RNF145: variants seen among roughly 807,000 people sequenced by gnomAD.
RNF145 encodes ring finger protein 145.
Under a neutral mutation model 57.3 loss-of-function variants are expected in RNF145, and 12 were observed. The ratio of observed to expected loss-of-function variants is 0.21; its 90% CI spans 0.13 to 0.34. The LOEUF (loss-of-function observed/expected upper bound fraction) is 0.34, where lower values mean the gene tolerates loss of function less well. Among genes scored for constraint, RNF145 ranks in the 10% least tolerant of loss-of-function variants. The pLI is 1.00. For missense variants in RNF145, 429 were observed against 799.0 expected (o/e 0.54, Z 5.58); for synonymous variants, 262 against 288.3 (o/e 0.91, Z 0.92).
intron 3 of RNF145, among the ~76,000 whole-genome samples, chr5:159,186,758 T>C (rs1473053748): frequency 6.6e-6 from 1 of 152,224 alleles, no homozygotes; most frequent in African/African-American, 2.4e-5. Context: ...AGTGCCTGTA[T>C]TTGATAATGT....
Position 159,162,425 on chromosome 5 carries a change from C to CTTT in RNF145, c.1269+504_1269+506dup, listed in dbSNP as rs201178143. On this transcript the variant is annotated intron_variant, in intron 9 of 10. Coordinates refer to ENST00000424310, the MANE Select transcript of RNF145 (RefSeq NM_001199383.2). ...CATCAATAGGTTTATGTAATATTTT[C>CTTT]TTTTTTTTTTTTTTTTTTTTGAGAC... Among the ~76,000 whole-genome samples the CTTT allele has an allele frequency of 1.6e-3, 212 of 134,580 alleles. 5 individuals carry two copies. Among genetic ancestry groups the CTTT allele is most frequent in the African/African-American group, 5.5e-3 (196 of 35,470 alleles). The allele number at this position is 134,580 out of a possible 152,430, so 88.3% of individuals were successfully genotyped here.
chr5:159,206,856 T>C (rs1368392500), intron 1 of RNF145, among the ~76,000 whole-genome samples: 2 of 152,148 alleles, frequency 1.3e-5, no homozygotes, highest in African/African-American at 2.4e-5. Flanking sequence ...TCCTTGAACT[T>C]TGAAAAGAAC....
At position 159,180,142 on chromosome 5, in the gene RNF145, T is replaced by C. The variant is rs533200750; in HGVS notation, c.385+1818A>G. 2.0e-5 allele frequency among the ~76,000 whole-genome samples: 3 copies of C among 152,194 alleles called. No homozygotes were observed. The Middle Eastern group carries it at 0.01, about 518-fold the overall frequency. The stretch of plus-strand genomic sequence containing the variant: ...GGAAGTAGGCAGGTTCCTACTTAAC[T>C]GGACTCTTACAATGATGTGGTTGTT... On this transcript the variant is annotated intron_variant, in intron 4 of 10. Transcript: ENST00000424310.
chr5:159,192,150 A>G (rs2113203000), intron 3 of RNF145, among the ~76,000 whole-genome samples: 1 of 152,240 alleles, frequency 6.6e-6, no homozygotes, highest in African/African-American at 2.4e-5. Context: ...TAGCATTTGC[A>G]TTGTATTAGG....
At chr5:159,189,204 T>C (rs1052409839) in intron 3 of RNF145, among the ~76,000 whole-genome samples, 2 of 151,900 alleles carry the variant, frequency 1.3e-5, no homozygotes, top group African/African-American at 4.9e-5. Flanking sequence ...TTGCAAATCA[T>C]AGATCTGATA....
intron 8 of RNF145, among the ~76,000 whole-genome samples, chr5:159,165,317 C>T (rs893682675): frequency 4.6e-5 from 7 of 152,288 alleles, no homozygotes; most frequent in Non-Finnish European, 1.0e-4. Flanking sequence ...CCCTGCTTCC[C>T]TTTTTATAGT....
intron 7 of RNF145, 66 bp downstream of exon 7, chr5:159,169,613 C>A (rs1385072115): frequency 7.6e-7 from 1 of 1,316,960 alleles, no homozygotes. Context: ...CAAAGAAATT[C>A]ATCATTACTT....
At chr5:159,195,797 A>G (rs1253581703) in intron 2 of RNF145, among the ~76,000 whole-genome samples, 1 of 152,222 alleles carries the variant, frequency 6.6e-6, no homozygotes, top group East Asian at 1.9e-4. Context: ...AAAGTTACTG[A>G]TAACTTATTA....
intron 6 of RNF145, among the ~76,000 whole-genome samples, chr5:159,171,720 G>T (rs1784565483): frequency 6.6e-6 from 1 of 151,982 alleles, no homozygotes; most frequent in African/African-American, 2.4e-5. Flanking sequence ...GGGTATTCTG[G>T]TAAGCTCCCA....
At chr5:159,209,080 G>C (rs1295453572) in intron 1 of RNF145, among the ~76,000 whole-genome samples, 151 bp downstream of exon 1, 3 of 151,732 alleles carry the variant, frequency 2.0e-5, no homozygotes, top group Non-Finnish European at 2.9e-5. Context: ...CCAATGCTAG[G>C]GAGAAGAGGG....
At chr5:159,200,424 A>T (rs62378715) in intron 2 of RNF145, among the ~76,000 whole-genome samples, 169 of 152,314 alleles carry the variant, frequency 1.1e-3, no homozygotes, top group Non-Finnish European at 2.0e-3. Context: ...TATATGTGAG[A>T]ATTCAGTATA....
At chr5:159,198,758 A>G (rs1321270190) in intron 2 of RNF145, among the ~76,000 whole-genome samples, 1 of 152,182 alleles carries the variant, frequency 6.6e-6, no homozygotes, top group Admixed American at 6.5e-5. Context: ...ACAGTGGCTA[A>G]TATCTGTAAT....
chr5:159,190,459 G>C (rs1232372668), intron 3 of RNF145, among the ~76,000 whole-genome samples: 1 of 152,072 alleles, frequency 6.6e-6, no homozygotes, highest in African/African-American at 2.4e-5. Context: ...GCTGAGGCAG[G>C]AGGATATCTT....
intron 3 of RNF145, among the ~76,000 whole-genome samples, chr5:159,192,062 A>C (rs1173382164): frequency 6.6e-6 from 1 of 152,212 alleles, no homozygotes; most frequent in African/African-American, 2.4e-5. Context: ...AAAAAAAAAA[A>C]AACTGCAATT....
chr5:159,209,583 C>A (rs1246133390), upstream of RNF145: 8 of 1,024,034 alleles, frequency 7.8e-6, no homozygotes, highest in Non-Finnish European at 8.2e-6. Flanking sequence ...CCGCACTCTG[C>A]GCCTGCGCGC....
intron 2 of RNF145, among the ~76,000 whole-genome samples, chr5:159,201,232 G>C (rs1247823436): frequency 6.6e-6 from 1 of 152,158 alleles, no homozygotes; most frequent in African/African-American, 2.4e-5. Flanking sequence ...TCACTTGAGG[G>C]ACCTGAGTAT....
In RNF145 at chr5:159,176,564, A is replaced by G. The variant is rs555328731; in HGVS notation, c.621+68T>C. ...CATAACTGTGAAATAAAAATGAACT[A>G]TAACTTTAATGTACTTAACATTTAT... On this transcript the variant is annotated intron_variant, in intron 5 of 10. Coordinates refer to ENST00000424310, the MANE Select transcript of RNF145 (RefSeq NM_001199383.2). 8.3e-4 allele frequency: 779 copies of G among 941,072 alleles called. 2 individuals are homozygous for G. Among genetic ancestry groups the G allele is most frequent in the Non-Finnish European group, 1.1e-3 (648 of 609,026 alleles). 58.3% of individuals were successfully genotyped at this position (941,072 alleles called of 1,614,324 possible).
chr5:159,184,848 T>C (rs541744836), intron 3 of RNF145, among the ~76,000 whole-genome samples: 62 of 152,274 alleles, frequency 4.1e-4, no homozygotes, highest in Admixed American at 9.2e-4. Context: ...TTTTAATTAT[T>C]TTTGCTTTCT....
intron 3 of RNF145, among the ~76,000 whole-genome samples, chr5:159,184,986 G>A (rs145474593): frequency 3.2e-4 from 49 of 152,176 alleles, no homozygotes; most frequent in African/African-American, 9.4e-4. Flanking sequence ...CCTCCCACTC[G>A]CTCTCCTTAC....
Sources: gnomAD v4.1 joint callset for allele counts (sites outside exome capture counted in the v4.1 genomes callset) on GRCh38, gnomAD v4.1.1 for gene constraint, MANE v1.5 for transcripts, NCBI Gene and HGNC (gene_info 2026-07-23, HGNC 2026-07-21) for gene names.